Variants in ZNF658 observed in about 807,000 individuals in gnomAD.
ZNF658 encodes the protein zinc finger protein 658.
A neutral mutation model predicts 78.0 loss-of-function variants in ZNF658; 46 were observed. The observed-to-expected ratio is 0.59, with a 90% CI of 0.47 to 0.75. ZNF658 has a LOEUF of 0.75. Among genes scored for constraint, ZNF658 ranks in the 30% least tolerant of loss-of-function variants. The probability of loss-of-function intolerance (pLI) is 0.00; values close to 1 mark genes in which losing one functional copy is unlikely to be tolerated. For synonymous variants in ZNF658, 279 were observed against 408.4 expected (o/e 0.68, Z 3.82); for missense variants, 785 against 1,189.3 (o/e 0.66, Z 5.00).
chr9:66,909,850 T>C (rs1587359095), intron 4 of ZNF658, among the ~76,000 whole-genome samples: 1 of 152,300 alleles, frequency 6.6e-6, no homozygotes, highest in South Asian at 2.1e-4. Flanking sequence ...ATAGGCTGGG[T>C]AGTTTAAACA....
rs1317245230 is a variant in ZNF658, at chr9:66,903,389, A to T, written c.-44-129A>T. The T allele has an allele frequency of 1.8e-5, 12 of 650,576 alleles. No homozygotes were observed. The Admixed American group carries it at 2.4e-4, about 13-fold the overall frequency. 40.3% of individuals were successfully genotyped at this position (650,576 alleles called of 1,614,324 possible). On this transcript the variant is annotated intron_variant, in intron 1 of 4. Coordinates refer to ENST00000621410, the MANE Select transcript of ZNF658 (RefSeq NM_033160.7). Reference sequence around the variant, plus strand: ...CATGAATAGGATTACATGCTCCTTGATTACAGTGGGGTTATGTCGCAGTAA... The same window carrying T: ...CATGAATAGGATTACATGCTCCTTGTTTACAGTGGGGTTATGTCGCAGTAA...
chr9:66,921,717 G>A (rs1387525782), downstream of ZNF658, among the ~76,000 whole-genome samples: 8 of 151,568 alleles, frequency 5.3e-5, no homozygotes, highest in African/African-American at 9.7e-5. Flanking sequence ...TGGAAGCTTC[G>A]TCTCAGAGGG....
chr9:66,902,951 T>C (rs1365849995), intron 1 of ZNF658: 1 of 152,138 alleles, frequency 6.6e-6, no homozygotes, highest in Non-Finnish European at 1.5e-5. Context: ...GGTCTTGAAC[T>C]CTTGGCCTCC....
At chr9:66,904,012 G>A (rs999237501) in intron 2 of ZNF658, among the ~76,000 whole-genome samples, 5 of 151,968 alleles carry the variant, frequency 3.3e-5, no homozygotes, top group South Asian at 2.1e-4. Context: ...ATTTGAACAC[G>A]TTCAGTACTA....
Position 66,918,929 on chromosome 9 carries a change from C to T in ZNF658, c.1363C>T (p.Leu455Phe). Residue 455 changes from leucine (L) to phenylalanine (F), a missense_variant, in exon 5 of 5, where the codon CTC becomes TTC. Physicochemically the swap from Leu to Phe is conservative, Grantham distance 22. This residue lies in a region of ZNF658 where 393 missense variants were observed against 400.2 expected (regional missense o/e 0.98). Transcript: ENST00000621410. ...GAAAGCTTTCTGTCAGAATTCAAAC[C>T]TCAGTAAACATCTGAGAATTCACAC... The part of the protein sequence containing the change: ...CGKAFCQNSN[L>F]SKHLRIHTKE... 2 of 1,527,396 alleles carry T rather than the reference C, an allele frequency of 1.3e-6. No homozygotes were observed. Among genetic ancestry groups the T allele is most frequent in the Non-Finnish European group, 1.8e-6 (2 of 1,124,774 alleles). The allele number at this position is 1,527,396 out of a possible 1,614,324, so 94.6% of individuals were successfully genotyped here.
In ZNF658 at chr9:66,908,261, G is replaced by T. The variant is rs1468257106; in HGVS notation, c.39G>T (p.Val13=). Residue 13 remains valine (V), a synonymous_variant, in exon 3 of 5, where the codon GTG becomes GTT. Coordinates refer to ENST00000621410, the MANE Select transcript of ZNF658 (RefSeq NM_033160.7). The stretch of plus-strand genomic sequence containing the variant: ...AGGCATCAGTGTCATTCCAGGACGT[G>T]ACTGTGGAATTCACCCGGGAGGAGT... ...MSQASVSFQD[V]TVEFTREEWQ... 2 of 1,614,094 alleles carry T rather than the reference G, an allele frequency of 1.2e-6. No individual in the cohort carries two copies. The highest frequency in any genetic ancestry group is 2.2e-5 in the South Asian group (2 of 91,068).
At chr9:66,923,204 C>T (rs1265057726), downstream of ZNF658, among the ~76,000 whole-genome samples, 1 of 150,638 alleles carries the variant, frequency 6.6e-6, no homozygotes, top group Non-Finnish European at 1.5e-5. Flanking sequence ...AGTCCAAAAG[C>T]CGAAGAACTT....
intron 4 of ZNF658, among the ~76,000 whole-genome samples, chr9:66,916,178 G>T (rs536998583): frequency 5.3e-5 from 8 of 152,110 alleles, no homozygotes; most frequent in Non-Finnish European, 1.2e-4. Context: ...GTGAGCCACC[G>T]CGTCTGGCCA....
At chr9:66,914,136 G>C in intron 4 of ZNF658, among the ~76,000 whole-genome samples, 1 of 151,600 alleles carries the variant, frequency 6.6e-6, no homozygotes, top group Middle Eastern at 3.4e-3. Flanking sequence ...TCTTAACAAC[G>C]TACAGTCTTC....
chr9:66,903,922 T>C (rs1822014380), intron 2 of ZNF658, among the ~76,000 whole-genome samples: 1 of 152,138 alleles, frequency 6.6e-6, no homozygotes, highest in Admixed American at 6.5e-5. Flanking sequence ...TTTATTGTTC[T>C]TCAAGTAGGT....
chr9:66,903,363 A>T (rs985426159), intron 1 of ZNF658, 155 bp from the exon 2 acceptor site: 49 of 564,394 alleles, frequency 8.7e-5, no homozygotes, highest in African/African-American at 7.0e-4. Flanking sequence ...TTTTTTAGGC[A>T]CATGAATAGG....
At chr9:66,929,533 A>T (rs904837560) in intron 6 of ZNF658, among the ~76,000 whole-genome samples, 4 of 151,688 alleles carry the variant, frequency 2.6e-5, no homozygotes, top group Admixed American at 1.3e-4. Context: ...CTGTGTCTGG[A>T]ATGTTTCTTC....
At chr9:66,925,544 A>C (rs966294422), downstream of ZNF658, among the ~76,000 whole-genome samples, 4 of 152,096 alleles carry the variant, frequency 2.6e-5, no homozygotes, top group Non-Finnish European at 5.9e-5. Flanking sequence ...TCATGAAAGA[A>C]ATAGGAAATT....
At chr9:66,903,199 C>T in intron 1 of ZNF658, 1 of 258,374 alleles carries the variant, frequency 3.9e-6, no homozygotes, top group Non-Finnish European at 7.5e-6. Context: ...TTACTTTACT[C>T]AGTGAAAATG....
rs1436225005 is a variant in ZNF658 at position 66,909,007 on chromosome 9, A to G, written c.238+273A>G. Among the ~76,000 whole-genome samples, 3 of 152,204 alleles carry G rather than the reference A, an allele frequency of 2.0e-5. No homozygotes were observed. The East Asian group carries it at 5.8e-4, about 29-fold the overall frequency. On this transcript the variant is annotated intron_variant, in intron 4 of 4. Coordinates refer to ENST00000621410, the MANE Select transcript of ZNF658 (RefSeq NM_033160.7). Reference sequence around the variant, plus strand: ...TATAACAACTATGTACATGGCATTTACATTGTATTAGGTAGCATAATTAAT... The same window carrying G: ...TATAACAACTATGTACATGGCATTTGCATTGTATTAGGTAGCATAATTAAT...
At position 66,919,771 on chromosome 9, in the gene ZNF658, C is replaced by T. The variant is rs1481321316; in HGVS notation, c.2205C>T (p.Ile735=). 11 of 1,607,752 alleles carry T rather than the reference C, an allele frequency of 6.8e-6. No homozygotes were observed. The Admixed American group carries it at 8.4e-5, about 12-fold the overall frequency. Reference sequence around the variant, plus strand: ...CAGCCCTTAGAGCACATCAGAATATCCACACAGGGGAGAAACTCTATGAAT... The same window carrying T: ...CAGCCCTTAGAGCACATCAGAATATTCACACAGGGGAGAAACTCTATGAAT... The part of the protein sequence containing the change: ...HNSALRAHQN[I]HTGEKLYECS... Residue 735 remains isoleucine (I), a synonymous_variant, in exon 5 of 5, where the codon ATC becomes ATT. Transcript: ENST00000621410.
In ZNF658 at chr9:66,921,077, G is replaced by C; in HGVS notation, c.*331G>C. The C allele has an allele frequency of 3.5e-6, 1 of 282,146 alleles. No homozygotes were observed. The highest frequency in any genetic ancestry group is 5.6e-5 in the South Asian group (1 of 17,832). The allele number at this position is 282,146 out of a possible 1,614,324, so 17.5% of individuals were successfully genotyped here. On this transcript the variant is annotated 3_prime_UTR_variant, in exon 5 of 5. Transcript: ENST00000621410. ...TCAAGGAAGCTAGAGTCTGAAAAAC[G>C]AACAATTCACTTCCAGGTCTTCATC...
intron 4 of ZNF658, 84 bp downstream of exon 4, chr9:66,908,818 C>T (rs1822145529): frequency 6.1e-6 from 5 of 819,882 alleles, no homozygotes; most frequent in Middle Eastern, 2.3e-4. Context: ...TTTGGAACAG[C>T]TTTATTGAGA....
chr9:66,901,973 T>G lies in ZNF658; in HGVS notation c.-45+1137T>G, dbSNP rs537394454. Among the ~76,000 whole-genome samples the G allele has an allele frequency of 9.8e-4, 149 of 152,248 alleles. 2 individuals carry two copies. The highest frequency in any genetic ancestry group is 3.2e-3 in the African/African-American group (135 of 41,548). On this transcript the variant is annotated intron_variant, in intron 1 of 4. Transcript: ENST00000621410. ...GAAAAAAAAGTTTAGAATTTTTCAG[T>G]AGCTACAGTAAAAAGAAGAGGCAGG...
Sources: gnomAD v4.1 joint callset for allele counts (sites outside exome capture counted in the v4.1 genomes callset) on GRCh38, gnomAD v4.1.1 for gene constraint, gnomAD v4.1.1 regional missense constraint, MANE v1.5 for transcripts, NCBI Gene and HGNC (gene_info 2026-07-23, HGNC 2026-07-21) for gene names.